MSRA: variants seen among roughly 807,000 people sequenced by gnomAD.
MSRA encodes the protein mitochondrial peptide methionine sulfoxide reductase.
In MSRA, 54 loss-of-function variants were observed where a neutral mutation model predicts 31.3. That is an observed-to-expected ratio of 1.73 (90% CI 1.39 to 2.17). MSRA has a LOEUF of 2.17. Ranked by LOEUF, MSRA falls within the 30% of genes most tolerant of loss-of-function variation. The pLI is 0.00. For missense variants in MSRA, 507 were observed against 300.9 expected, an observed-to-expected ratio of 1.69 and a Z score of -5.07; for synonymous variants, 169 against 116.5, an observed-to-expected ratio of 1.45 and a Z score of -2.90.
At chr8:10,384,870 C>T (rs1283163220) in intron 5 of MSRA, among the ~76,000 whole-genome samples, 3 of 151,976 alleles carry the variant, frequency 2.0e-5, no homozygotes, top group Non-Finnish European at 2.9e-5. Flanking sequence ...GGTGTTGTAG[C>T]GCATACCTGC....
chr8:10,184,637 G>C (rs1223447661), intron 1 of MSRA, among the ~76,000 whole-genome samples: 2 of 152,128 alleles, frequency 1.3e-5, no homozygotes, highest in African/African-American at 2.4e-5. Flanking sequence ...TGCCTTGTCT[G>C]ATGCATTCAG....
chr8:10,166,912 C>T (rs916474150), intron 1 of MSRA, among the ~76,000 whole-genome samples: 4 of 152,090 alleles, frequency 2.6e-5, no homozygotes, highest in South Asian at 2.1e-4. Flanking sequence ...GCCCTCTGCT[C>T]GGGAGCCATG....
intron 1 of MSRA, among the ~76,000 whole-genome samples, chr8:10,157,553 T>A (rs1362976772): frequency 1.3e-5 from 2 of 152,130 alleles, no homozygotes; most frequent in African/African-American, 4.8e-5. Flanking sequence ...GCTGGGTTAT[T>A]AGGGGTCTGT....
chr8:10,212,629 A>G (rs953121096), intron 2 of MSRA, among the ~76,000 whole-genome samples: 1 of 152,186 alleles, frequency 6.6e-6, no homozygotes, highest in South Asian at 2.1e-4. Flanking sequence ...CTTCAATAAG[A>G]GTGAGGGAAT....
chr8:10,377,426 G>A lies in MSRA; in HGVS notation c.544-50722G>A, dbSNP rs141165870. 2.2e-3 allele frequency among the ~76,000 whole-genome samples: 341 copies of A among 152,338 alleles called. 2 individuals are homozygous for A. The highest frequency in any genetic ancestry group is 7.9e-3 in the African/African-American group (327 of 41,574). On this transcript the variant is annotated intron_variant, in intron 5 of 5. Transcript: ENST00000317173. ...TTTCCATTAGCAGATAAGCCAAAGT[G>A]TATTACATAGTAATTACTGACTCTG...
At chr8:10,098,007 A>G (rs915029368) in intron 1 of MSRA, among the ~76,000 whole-genome samples, 2 of 152,138 alleles carry the variant, frequency 1.3e-5, no homozygotes, top group East Asian at 3.8e-4. Context: ...AACGGGTATA[A>G]TAGACACGTC....
In MSRA at chr8:10,067,920, A is replaced by G. The variant is rs182443779; in HGVS notation, c.142+13262A>G. ...TTTTTTTTGGAGACAGTCTTACACTATTGCCCAGGCTGGAGTGCAGTGGTG... is the reference window on the plus strand; with the variant it reads ...TTTTTTTTGGAGACAGTCTTACACTGTTGCCCAGGCTGGAGTGCAGTGGTG... On this transcript the variant is annotated intron_variant, in intron 1 of 5. Coordinates refer to ENST00000317173, the MANE Select transcript of MSRA (RefSeq NM_012331.5). Among the ~76,000 whole-genome samples the G allele has an allele frequency of 1.9e-3, 187 of 100,540 alleles. 2 individuals carry two copies. Among genetic ancestry groups the G allele is most frequent in the African/African-American group, 5.5e-3 (146 of 26,766 alleles). The allele number at this position is 100,540 out of a possible 152,430, so 66.0% of individuals were successfully genotyped here. A position where few individuals can be genotyped will look rare whatever the true frequency, so the allele number is the denominator to read the frequency against.
intron 5 of MSRA, among the ~76,000 whole-genome samples, chr8:10,409,304 A>G (rs1230598236): frequency 1.6e-4 from 25 of 152,092 alleles, no homozygotes. Flanking sequence ...TTTGATTTGC[A>G]TTTCTCCGAT....
intron 5 of MSRA, among the ~76,000 whole-genome samples, chr8:10,328,633 C>G (rs1011511951): frequency 6.6e-6 from 1 of 152,140 alleles, no homozygotes; most frequent in African/African-American, 2.4e-5. Context: ...TTCGCATGGT[C>G]TACCAGGTCC....
intron 1 of MSRA, among the ~76,000 whole-genome samples, chr8:10,157,822 TTCCCTCTCTCCA>T (rs938429312): frequency 6.6e-6 from 1 of 152,018 alleles, no homozygotes; most frequent in African/African-American, 2.4e-5. Flanking sequence ...CTCTCTTCCC[TTCCCTCTCTCCA>T]TCCCTCTATC....
At chr8:10,183,343 G>A (rs567063331) in intron 1 of MSRA, among the ~76,000 whole-genome samples, 80 of 152,246 alleles carry the variant, frequency 5.3e-4, no homozygotes, top group African/African-American at 1.7e-3. Context: ...TGGTACTTAC[G>A]GCCTCTGTTT....
intron 5 of MSRA, among the ~76,000 whole-genome samples, chr8:10,422,527 T>G (rs1808873556): frequency 6.6e-6 from 1 of 152,180 alleles, no homozygotes; most frequent in Non-Finnish European, 1.5e-5. Flanking sequence ...GGGCCAGGTG[T>G]CGCCCCACAT....
chr8:10,055,433 C>A (rs1802295717), intron 1 of MSRA, among the ~76,000 whole-genome samples: 1 of 152,196 alleles, frequency 6.6e-6, no homozygotes, highest in African/African-American at 2.4e-5. Context: ...ACGCGTTTCC[C>A]AGAACGAGGG....
At chr8:10,361,383 A>C (rs771489686) in intron 5 of MSRA, among the ~76,000 whole-genome samples, 7 of 152,062 alleles carry the variant, frequency 4.6e-5, no homozygotes, top group Non-Finnish European at 1.0e-4. Context: ...TGTGCTTGGG[A>C]CTTAGGGTTC....
chr8:10,271,046 C>G (rs984536651), intron 3 of MSRA, among the ~76,000 whole-genome samples: 18 of 149,616 alleles, frequency 1.2e-4, no homozygotes, highest in African/African-American at 4.4e-4. Flanking sequence ...ACTTTAAGCT[C>G]ATGTTTGAGT....
chr8:10,188,639 C>T (rs1449635717), intron 1 of MSRA, among the ~76,000 whole-genome samples: 3 of 152,134 alleles, frequency 2.0e-5, no homozygotes, highest in Non-Finnish European at 4.4e-5. Flanking sequence ...TACAGTTGTT[C>T]CAGCACCATT....
intron 5 of MSRA, among the ~76,000 whole-genome samples, chr8:10,370,993 C>G (rs999347243): frequency 3.3e-5 from 5 of 152,196 alleles, no homozygotes; most frequent in African/African-American, 9.7e-5. Context: ...CTGCATGCCA[C>G]AATTCAAATC....
chr8:10,306,418 C>T (rs1009396040), intron 4 of MSRA, among the ~76,000 whole-genome samples: 8 of 152,038 alleles, frequency 5.3e-5, no homozygotes, highest in African/African-American at 1.9e-4. Flanking sequence ...TACATTTATT[C>T]TTACATCTGT....
intron 5 of MSRA, among the ~76,000 whole-genome samples, chr8:10,408,586 T>C (rs1807964092): frequency 6.6e-6 from 1 of 152,198 alleles, no homozygotes; most frequent in South Asian, 2.1e-4. Flanking sequence ...AATCCAGGTT[T>C]TAATTTAATT....
Sources: gnomAD v4.1 joint callset for allele counts (sites outside exome capture counted in the v4.1 genomes callset) on GRCh38, gnomAD v4.1.1 for gene constraint, MANE v1.5 for transcripts, NCBI Gene and HGNC (gene_info 2026-07-23, HGNC 2026-07-21) for gene names.